Variants in APLF observed in about 807,000 individuals in gnomAD.
APLF encodes the protein aprataxin and PNK-like factor.
A neutral mutation model predicts 55.6 loss-of-function variants in APLF; 61 were observed. That is an observed-to-expected ratio of 1.10 (90% CI 0.89 to 1.36). The LOEUF (loss-of-function observed/expected upper bound fraction) is 1.36. Ranked by LOEUF, APLF falls within the 40% of genes most tolerant of loss-of-function variation. APLF has a pLI of 0.00. For synonymous variants in APLF, 207 were observed against 214.8 expected, an observed-to-expected ratio of 0.96 and a Z score of 0.32; for missense variants, 611 against 602.5, an observed-to-expected ratio of 1.01 and a Z score of -0.15.
chr2:68,528,331 G>T (rs1670140619), intron 6 of APLF: 4 of 1,470,656 alleles, frequency 2.7e-6, no homozygotes, highest in African/African-American at 2.8e-5. Flanking sequence ...TACGCATGTT[G>T]CCCTGCTGGA....
chr2:68,538,329 C>A lies in APLF; in HGVS notation c.1160+102C>A. On this transcript the variant is annotated intron_variant, in intron 7 of 9. Transcript: ENST00000303795. The stretch of plus-strand genomic sequence containing the variant: ...TTAAAAACTTAATAAAACCCACTGG[C>A]CTAAAGGTTAGGGGCTTTATCGTGT... 4 of 1,052,974 alleles carry A rather than the reference C, an allele frequency of 3.8e-6. No individual in the cohort carries two copies. The South Asian group carries it at 7.7e-5, about 20-fold the overall frequency. The allele number at this position is 1,052,974 out of a possible 1,614,324, so 65.2% of individuals were successfully genotyped here.
chr2:68,552,668 A>C (rs1277383596), intron 8 of APLF, among the ~76,000 whole-genome samples: 1 of 152,156 alleles, frequency 6.6e-6, no homozygotes, highest in African/African-American at 2.4e-5. Flanking sequence ...CAGAAGAATA[A>C]AAACAAAATA....
At chr2:68,548,082 C>G (rs1200465811) in intron 8 of APLF, among the ~76,000 whole-genome samples, 1 of 151,772 alleles carries the variant, frequency 6.6e-6, no homozygotes, top group South Asian at 2.1e-4. Context: ...ACTCTGCAGT[C>G]ATCTGAACAA....
intron 1 of APLF, among the ~76,000 whole-genome samples, chr2:68,488,329 C>CTTTTTT (rs60462016): frequency 7.8e-6 from 1 of 128,878 alleles, no homozygotes. Flanking sequence ...CATTTATTAT[C>CTTTTTT]TTTTTTTTTT....
At chr2:68,486,308 T>A (rs1469320139) in intron 1 of APLF, among the ~76,000 whole-genome samples, 1 of 152,172 alleles carries the variant, frequency 6.6e-6, no homozygotes, top group African/African-American at 2.4e-5. Context: ...GATTTATTTT[T>A]TTCTTCCAAG....
At chr2:68,524,489 C>T (rs1669977716) in intron 5 of APLF, among the ~76,000 whole-genome samples, 1 of 152,152 alleles carries the variant, frequency 6.6e-6, no homozygotes, top group Non-Finnish European at 1.5e-5. Context: ...CATGGTCAGC[C>T]ATATATGCAT....
intron 8 of APLF, among the ~76,000 whole-genome samples, chr2:68,566,198 T>C (rs534639953): frequency 1.3e-5 from 2 of 152,248 alleles, no homozygotes; most frequent in Non-Finnish European, 2.9e-5. Flanking sequence ...AAAATTGCCT[T>C]ACTTGCCCTA....
chr2:68,552,776 C>T (rs1422165718), intron 8 of APLF, among the ~76,000 whole-genome samples: 1 of 152,124 alleles, frequency 6.6e-6, no homozygotes, highest in Non-Finnish European at 1.5e-5. Flanking sequence ...AGAGAAACAA[C>T]TCCAAAACCA....
rs147077981 is a variant in APLF, at chr2:68,557,938, T to C, written c.1287-9403T>C. On this transcript the variant is annotated intron_variant, in intron 8 of 9. Coordinates refer to ENST00000303795, the MANE Select transcript of APLF (RefSeq NM_173545.3). ...AAAAAAAAAAAATAGTCAAAGTTGA[T>C]AGCACCTTAATCCATTTTTATAGGT... 7.3e-3 allele frequency among the ~76,000 whole-genome samples: 1,109 copies of C among 151,870 alleles called. 11 individuals carry two copies. The highest frequency in any genetic ancestry group is 0.026 in the African/African-American group (1,058 of 41,444).
rs202065445 is a variant in APLF at position 68,502,858 on chromosome 2, G to A, written c.296G>A (p.Arg99His). 1.5e-5 allele frequency: 24 copies of A among 1,605,386 alleles called. No individual in the cohort carries two copies. Among genetic ancestry groups the A allele is most frequent in the African/African-American group, 5.4e-5 (4 of 74,274 alleles). Reference protein sequence around the residue: ...FSLLVDKYIFRILSIPSEVEM... With the variant: ...FSLLVDKYIFHILSIPSEVEM... ...TTGTTAGTTGACAAATACATTTTCC[G>A]CATTCTCTCTATACCCTCTGAAGTG... Residue 99 changes from arginine (R) to histidine (H), a missense_variant, in exon 3 of 10, where the codon CGC (arginine) becomes CAC (histidine). Arg to His is a conservative substitution (Grantham distance 29). Coordinates refer to ENST00000303795, the MANE Select transcript of APLF (RefSeq NM_173545.3).
chr2:68,547,498 A>G (rs1670739912), intron 8 of APLF, among the ~76,000 whole-genome samples: 1 of 151,792 alleles, frequency 6.6e-6, no homozygotes, highest in Non-Finnish European at 1.5e-5. Context: ...GTATGGGCAC[A>G]AAGATAAAGT....
intron 1 of APLF, among the ~76,000 whole-genome samples, chr2:68,470,243 C>A (rs1218073897): frequency 6.6e-6 from 1 of 152,182 alleles, no homozygotes; most frequent in Non-Finnish European, 1.5e-5. Flanking sequence ...TATATAACAT[C>A]ATTGAAATTG....
chr2:68,490,948 T>G (rs1224640198), intron 2 of APLF, among the ~76,000 whole-genome samples: 2 of 152,206 alleles, frequency 1.3e-5, no homozygotes, highest in Non-Finnish European at 2.9e-5. Flanking sequence ...ATTTATAACT[T>G]TTTAAAACCA....
chr2:68,509,602 A>G (rs13383223), intron 3 of APLF, among the ~76,000 whole-genome samples: 14,400 of 152,070 alleles, frequency 0.095, 819 homozygotes, highest in African/African-American at 0.15. Flanking sequence ...AAATAGGAAC[A>G]CTTTTACACT....
At chr2:68,530,018 G>A (rs969897345) in intron 6 of APLF, among the ~76,000 whole-genome samples, 1 of 152,234 alleles carries the variant, frequency 6.6e-6, no homozygotes, top group African/African-American at 2.4e-5. Context: ...CGCTCCGCAG[G>A]TTTCCAAAGA....
chr2:68,527,215 C>T (rs1162045326), intron 6 of APLF, among the ~76,000 whole-genome samples: 8 of 139,982 alleles, frequency 5.7e-5, no homozygotes, highest in African/African-American at 8.1e-5. Flanking sequence ...CCAGATGGGA[C>T]GGTGGCCAGG....
intron 2 of APLF, among the ~76,000 whole-genome samples, chr2:68,493,034 C>G (rs1213096927): frequency 6.6e-6 from 1 of 152,108 alleles, no homozygotes; most frequent in Non-Finnish European, 1.5e-5. Context: ...AATGAGAGCC[C>G]AGGTTCTTTG....
chr2:68,473,773 A>C (rs569033865), intron 1 of APLF, among the ~76,000 whole-genome samples: 15 of 152,328 alleles, frequency 9.8e-5, no homozygotes, highest in Admixed American at 2.6e-4. Context: ...ACAGCAGTCA[A>C]CACAGAAGAC....
Position 68,490,196 on chromosome 2 carries a change from G to T in APLF, c.103G>T (p.Asp35Tyr). The T allele has an allele frequency of 6.2e-7, 1 of 1,608,338 alleles. No homozygotes were observed. The highest frequency in any genetic ancestry group is 1.1e-5 in the South Asian group (1 of 89,940). Residue 35 changes from aspartate to tyrosine, a missense_variant, in exon 2 of 10, where the codon GAC (aspartate) becomes TAC (tyrosine). Coordinates refer to ENST00000303795, the MANE Select transcript of APLF (RefSeq NM_173545.3). ...IGRGPLLGIT[D>Y]KRVSRRHAIL... ...TAATTTTTTTACTGTATAGATAACA[G>T]ACAAGAGAGTATCCAGAAGACATGC...
Sources: allele counts gnomAD v4.1 joint callset (sites outside exome capture counted in the v4.1 genomes callset), GRCh38; gene constraint gnomAD v4.1.1; transcripts MANE v1.5; gene names NCBI Gene and HGNC (gene_info 2026-07-23, HGNC 2026-07-21).